The following PDE8B variants were observed in gnomAD, a reference collection of about 807,000 sequenced individuals.
The protein encoded by PDE8B is phosphodiesterase 8B.
PDE8B carries 26 observed loss-of-function variants against 101.3 expected under a neutral mutation model. That is an observed-to-expected ratio of 0.26 (90% CI 0.19 to 0.36). The LOEUF is 0.36. Ranked by LOEUF, PDE8B falls within the 10% of genes least tolerant of loss-of-function variation. PDE8B has a pLI of 1.00. For synonymous variants in PDE8B, 424 were observed against 429.3 expected (o/e 0.99, Z 0.15); for missense variants, 810 against 1,163.1 (o/e 0.70, Z 4.42).
chr5:77,375,791 ATATACT>A (rs567442748), intron 10 of PDE8B, among the ~76,000 whole-genome samples: 5 of 152,028 alleles, frequency 3.3e-5, no homozygotes, highest in African/African-American at 1.2e-4. Context: ...CATGAGATAC[ATATACT>A]TTAAAAAAAT....
intron 1 of PDE8B, among the ~76,000 whole-genome samples, chr5:77,294,102 T>C (rs1293394751): frequency 1.3e-5 from 2 of 152,224 alleles, no homozygotes; most frequent in African/African-American, 4.8e-5. Context: ...TGTAGTATAA[T>C]TTTAAGCCCC....
intron 14 of PDE8B, among the ~76,000 whole-genome samples, chr5:77,410,013 A>C (rs1449380922): frequency 6.6e-6 from 1 of 152,264 alleles, no homozygotes; most frequent in East Asian, 1.9e-4. Context: ...GCAGAGCTGC[A>C]GTGGGAGGGG....
At chr5:77,161,508 T>C in the PDE8B span, among the ~76,000 whole-genome samples, 1 of 152,188 alleles carries the variant, frequency 6.6e-6, no homozygotes, top group Middle Eastern at 3.2e-3. Flanking sequence ...CACCTATTGA[T>C]GAACAGGAGG....
chr5:77,414,327 T>G (rs1476963650), intron 17 of PDE8B, among the ~76,000 whole-genome samples: 1 of 152,238 alleles, frequency 6.6e-6, no homozygotes, highest in Non-Finnish European at 1.5e-5. Flanking sequence ...TTTAGAAAAC[T>G]AATAGTGATA....
At chr5:77,404,678 C>A (rs375851785) in intron 11 of PDE8B, 42 bp from the exon 12 acceptor site, 3 of 1,160,082 alleles carry the variant, frequency 2.6e-6, no homozygotes, top group Non-Finnish European at 1.3e-6. Flanking sequence ...TGTGAATACA[C>A]GGAAAACTAA....
intron 1 of PDE8B, among the ~76,000 whole-genome samples, chr5:77,275,091 G>T (rs1315390583): frequency 1.3e-5 from 2 of 152,118 alleles, no homozygotes; most frequent in African/African-American, 4.8e-5. Context: ...TGAGTACAGT[G>T]GTGCCCACCT....
At chr5:77,292,682 T>A (rs1436463955) in intron 1 of PDE8B, among the ~76,000 whole-genome samples, 1 of 152,234 alleles carries the variant, frequency 6.6e-6, no homozygotes, top group Non-Finnish European at 1.5e-5. Context: ...GAGCATTGCT[T>A]GTCCTTTTCT....
intron 10 of PDE8B, among the ~76,000 whole-genome samples, chr5:77,382,130 A>G (rs1055094707): frequency 5.3e-5 from 8 of 152,244 alleles, no homozygotes; most frequent in African/African-American, 1.2e-4. Flanking sequence ...ATCTTTAACC[A>G]TATAGAGTTA....
At chr5:77,177,158 GT>G in the PDE8B span, among the ~76,000 whole-genome samples, 1 of 152,098 alleles carries the variant, frequency 6.6e-6, no homozygotes, top group African/African-American at 2.4e-5. Context: ...TGGGTTGAGT[GT>G]TGGGCTCTGT....
intron 10 of PDE8B, among the ~76,000 whole-genome samples, chr5:77,395,639 T>C (rs915760728): frequency 2.6e-5 from 4 of 152,092 alleles, no homozygotes. Context: ...GTAAGACCCA[T>C]GAGGGGAAGT....
chr5:77,135,923 TG>T, the PDE8B span, among the ~76,000 whole-genome samples: 1 of 152,164 alleles, frequency 6.6e-6, no homozygotes, highest in African/African-American at 2.4e-5. Flanking sequence ...TTGAGGTGCC[TG>T]GCCTCAAAAT....
the PDE8B span, among the ~76,000 whole-genome samples, chr5:77,159,812 T>C: frequency 6.6e-6 from 1 of 152,124 alleles, no homozygotes; most frequent in Admixed American, 6.5e-5. Context: ...ATATGAAGGG[T>C]TGGTCTCCTC....
At chr5:77,268,793 T>C (rs1371453045) in intron 1 of PDE8B, among the ~76,000 whole-genome samples, 1 of 151,126 alleles carries the variant, frequency 6.6e-6, no homozygotes, top group Non-Finnish European at 1.5e-5. Flanking sequence ...GGTAACTCTC[T>C]TCTAACTATC....
the PDE8B span, among the ~76,000 whole-genome samples, chr5:77,101,276 TTTTCTTTTGCA>T: frequency 6.6e-6 from 1 of 152,092 alleles, no homozygotes; most frequent in Admixed American, 6.5e-5. Flanking sequence ...AGGTCAATTT[TTTTCTTTTGCA>T]TTTCTTTTGC....
At chr5:77,364,358 C>T (rs1234286339) in intron 10 of PDE8B, among the ~76,000 whole-genome samples, 1 of 152,196 alleles carries the variant, frequency 6.6e-6, no homozygotes, top group Non-Finnish European at 1.5e-5. Context: ...AAGCAGTGTT[C>T]ATCACATAAG....
At chr5:77,322,095 G>A (rs531032569) in intron 2 of PDE8B, among the ~76,000 whole-genome samples, 31 of 152,208 alleles carry the variant, frequency 2.0e-4, no homozygotes, top group African/African-American at 7.0e-4. Context: ...TAGGCTAGTC[G>A]GATTAATTTC....
At chr5:77,185,350 C>T in the PDE8B span, among the ~76,000 whole-genome samples, 1 of 152,126 alleles carries the variant, frequency 6.6e-6, no homozygotes, top group African/African-American at 2.4e-5. Flanking sequence ...TTCTGAGGAC[C>T]TCTCTTCTTG....
chr5:77,190,412 T>C, the PDE8B span, among the ~76,000 whole-genome samples: 21 of 152,346 alleles, frequency 1.4e-4, no homozygotes, highest in Non-Finnish European at 2.5e-4. Flanking sequence ...TTACTCTTAA[T>C]AAATGAATCA....
chr5:77,373,079 G>A (rs1408090298), intron 10 of PDE8B, among the ~76,000 whole-genome samples: 1 of 150,254 alleles, frequency 6.7e-6, no homozygotes, highest in Non-Finnish European at 1.5e-5. Flanking sequence ...TTCTTTATTT[G>A]TGTTTGTGTC....
Sources: gnomAD v4.1 joint callset for allele counts (sites outside exome capture counted in the v4.1 genomes callset) on GRCh38, gnomAD v4.1.1 for gene constraint, MANE v1.5 for transcripts, NCBI Gene and HGNC (gene_info 2026-07-23, HGNC 2026-07-21) for gene names.